The following PLPP3 variants were observed in gnomAD, a reference collection of about 807,000 sequenced individuals.
PLPP3 encodes PAP2 beta.
PLPP3 carries 6 observed loss-of-function variants against 29.6 expected under a neutral mutation model. The ratio of observed to expected loss-of-function variants is 0.20; its 90% confidence interval spans 0.11 to 0.40. The LOEUF (loss-of-function observed/expected upper bound fraction) is 0.40. PLPP3 is among the 10% of genes least tolerant of loss of function. The probability of loss-of-function intolerance (pLI) is 1.00; values close to 1 mark genes in which losing one functional copy is unlikely to be tolerated. For missense variants in PLPP3, 308 were observed against 407.7 expected (o/e 0.76, Z 2.11); for synonymous variants, 152 against 159.7 (o/e 0.95, Z 0.36).
chr1:56,550,588 G>C (rs997262225), intron 1 of PLPP3, among the ~76,000 whole-genome samples: 22 of 152,056 alleles, frequency 1.4e-4, no homozygotes, highest in Non-Finnish European at 2.5e-4. Flanking sequence ...CAGAGGGGAG[G>C]AAGAGGGTTG....
chr1:56,552,435 A>G (rs145010607), intron 1 of PLPP3, among the ~76,000 whole-genome samples: 2 of 152,332 alleles, frequency 1.3e-5, no homozygotes, highest in South Asian at 2.1e-4. Context: ...AAAAAAATTG[A>G]TATATAATTT....
intron 1 of PLPP3, among the ~76,000 whole-genome samples, chr1:56,544,283 G>A (rs533639907): frequency 2.0e-5 from 3 of 152,104 alleles, no homozygotes; most frequent in Non-Finnish European, 2.9e-5. Context: ...AAAACAAACT[G>A]ACCAGCAACT....
intron 1 of PLPP3, among the ~76,000 whole-genome samples, chr1:56,554,339 G>A (rs1020708289): frequency 6.6e-6 from 1 of 152,080 alleles, no homozygotes; most frequent in African/African-American, 2.4e-5. Flanking sequence ...TTGGGAGGCC[G>A]AGGCGGGTGG....
At chr1:56,532,770 C>T (rs1197365707) in intron 2 of PLPP3, among the ~76,000 whole-genome samples, 3 of 152,118 alleles carry the variant, frequency 2.0e-5, no homozygotes, top group Non-Finnish European at 4.4e-5. Context: ...ATATTGAGCA[C>T]CAAGGTCTAT....
rs375354068 is a variant in PLPP3 at position 56,524,423 on chromosome 1, G to A, written c.429C>T (p.Phe143=). 2 of 1,614,136 alleles carry A rather than the reference G, an allele frequency of 1.2e-6. No individual in the cohort carries two copies. The highest frequency in any genetic ancestry group is 3.3e-5 in the Admixed American group (2 of 60,028). Residue 143 remains phenylalanine, a synonymous_variant, in exon 3 of 6, where the codon TTC becomes TTT. Coordinates refer to ENST00000371250, the MANE Select transcript of PLPP3 (RefSeq NM_003713.5). The surrounding 1 kb of genome is among the most constrained non-coding windows in gnomAD (Gnocchi z 4.3). ...FLFGCAISQS[F]TDIAKVSIGR... ...CTATGGACACTTTGGCAATGTCTGT[G>A]AAAGACTGGCTGATGGCACAGCCAA...
chr1:56,525,489 C>T (rs1402289436), intron 2 of PLPP3, among the ~76,000 whole-genome samples: 7 of 152,104 alleles, frequency 4.6e-5, no homozygotes, highest in Non-Finnish European at 1.0e-4. Context: ...CCAGACATTG[C>T]TTTTATATTC....
intron 5 of PLPP3, among the ~76,000 whole-genome samples, chr1:56,511,258 C>T (rs761110883): frequency 6.6e-6 from 1 of 152,136 alleles, no homozygotes; most frequent in African/African-American, 2.4e-5. Flanking sequence ...AAGTGCAATG[C>T]CTTCTCCCAC....
At chr1:56,557,678 C>T (rs1646094134) in intron 1 of PLPP3, among the ~76,000 whole-genome samples, 1 of 152,108 alleles carries the variant, frequency 6.6e-6, no homozygotes, top group South Asian at 2.1e-4. Flanking sequence ...GGATCATTTC[C>T]CTTTTCTGCT....
chr1:56,557,335 AC>A (rs774091330), intron 1 of PLPP3, among the ~76,000 whole-genome samples: 24 of 151,680 alleles, frequency 1.6e-4, no homozygotes, highest in Non-Finnish European at 2.8e-4. Flanking sequence ...CCAAAGACGC[AC>A]CACTGCACTC....
At chr1:56,529,482 T>G (rs951219971) in intron 2 of PLPP3, among the ~76,000 whole-genome samples, 3 of 152,128 alleles carry the variant, frequency 2.0e-5, no homozygotes, top group Admixed American at 6.5e-5. Flanking sequence ...ATGAACTTCT[T>G]TTGCCCAGAA....
chr1:56,499,944 C>T (rs1261145586), intron 5 of PLPP3, among the ~76,000 whole-genome samples: 1 of 152,100 alleles, frequency 6.6e-6, no homozygotes, highest in Non-Finnish European at 1.5e-5. Context: ...AAACCCACTG[C>T]CAGCCCACAA....
At chr1:56,501,890 AG>A (rs1645670709) in intron 5 of PLPP3, among the ~76,000 whole-genome samples, 1 of 152,252 alleles carries the variant, frequency 6.6e-6, no homozygotes, top group African/African-American at 2.4e-5. Flanking sequence ...AGTTTTCTAT[AG>A]GACAAACAGA....
chr1:56,511,849 G>A (rs554289851), intron 5 of PLPP3, 127 bp downstream of exon 5: 4 of 1,134,558 alleles, frequency 3.5e-6, no homozygotes, highest in East Asian at 2.4e-5. Context: ...CTAAGGCCAG[G>A]TGACTCTTCA....
intron 5 of PLPP3, among the ~76,000 whole-genome samples, chr1:56,505,389 C>T (rs538328085): frequency 2.6e-5 from 4 of 152,302 alleles, no homozygotes; most frequent in African/African-American, 9.6e-5. Flanking sequence ...TCTGCTTCGT[C>T]AGCTCATCCA....
chr1:56,579,122 TGGCGGGTC>T lies in PLPP3; in HGVS notation c.-114_-107del, dbSNP rs1198989637. On this transcript the variant is annotated 5_prime_UTR_variant, in exon 1 of 6. Coordinates refer to ENST00000371250, the MANE Select transcript of PLPP3 (RefSeq NM_003713.5). ...TCCTGGCCGAGGCTGCTGCGGATAG[TGGCGGGTC>T]GGCCCCGGCTCCGGGCGCGGCGGCT... 1 of 1,459,812 alleles carries T rather than the reference TGGCGGGTC, an allele frequency of 6.9e-7. No individual in the cohort carries two copies. The highest frequency in any genetic ancestry group is 9.0e-7 in the Non-Finnish European group (1 of 1,105,638). 90.4% of individuals were successfully genotyped at this position (1,459,812 alleles called of 1,614,324 possible).
chr1:56,577,067 G>T (rs1646241762), intron 1 of PLPP3, among the ~76,000 whole-genome samples: 1 of 152,176 alleles, frequency 6.6e-6, no homozygotes, highest in South Asian at 2.1e-4. Context: ...GGAGGTAGGA[G>T]GGTATCCTGC....
chr1:56,579,180 T>A lies in PLPP3; in HGVS notation c.-164A>T. 1.2e-6 allele frequency: 1 copy of A among 805,362 alleles called. No homozygotes were observed. The highest frequency in any genetic ancestry group is 1.8e-6 in the Non-Finnish European group (1 of 544,678). The allele number at this position is 805,362 out of a possible 1,614,324, so 49.9% of individuals were successfully genotyped here. On this transcript the variant is annotated 5_prime_UTR_variant, in exon 1 of 6. Transcript: ENST00000371250. ...TAGAGTGCAGCCGGGGCTGCCTGCC[T>A]CCAACTGCAGAAGGTGGTGTTTTCT...
In PLPP3 at chr1:56,518,308, A is replaced by G. The variant is rs562497031; in HGVS notation, c.633+5515T>C. On this transcript the variant is annotated intron_variant, in intron 4 of 5. Transcript: ENST00000371250. ...GCCATACATGCTGAACAAAACCTCA[A>G]TGGCTAACAAGCACAGCCCAGAGAA... Among the ~76,000 whole-genome samples the G allele has an allele frequency of 5.3e-5, 8 of 152,232 alleles. No individual in the cohort carries two copies. The Middle Eastern group carries it at 0.02, about 388-fold the overall frequency.
intron 1 of PLPP3, among the ~76,000 whole-genome samples, chr1:56,563,278 G>A (rs1422281420): frequency 6.6e-6 from 1 of 152,162 alleles, no homozygotes; most frequent in African/African-American, 2.4e-5. Context: ...TTGCTTTCAT[G>A]CTAATCACAC....
Sources: gnomAD v4.1 joint callset for allele counts (sites outside exome capture counted in the v4.1 genomes callset) on GRCh38, gnomAD v4.1.1 for gene constraint, Gnocchi (gnomAD v3.1) non-coding constraint, MANE v1.5 for transcripts, NCBI Gene and HGNC (gene_info 2026-07-23, HGNC 2026-07-21) for gene names.